CSMD1: variants seen among roughly 807,000 people sequenced by gnomAD.
CSMD1 encodes CUB and Sushi multiple domains 1.
A neutral mutation model predicts 417.5 loss-of-function variants in CSMD1; 213 were observed. That is an observed-to-expected ratio of 0.51 (90% CI 0.46 to 0.57). The LOEUF (loss-of-function observed/expected upper bound fraction) is 0.57, where lower values mean the gene tolerates loss of function less well. Ranked by LOEUF, CSMD1 falls within the 20% of genes least tolerant of loss-of-function variation. CSMD1 has a pLI of 0.00. For missense variants in CSMD1, 6,923 were observed against 4,529.7 expected (o/e 1.53, Z -15.17); for synonymous variants, 2,862 against 1,736.8 (o/e 1.65, Z -16.11).
intron 2 of CSMD1, among the ~76,000 whole-genome samples, chr8:4,457,765 T>C (rs1446145711): frequency 6.6e-6 from 1 of 152,140 alleles, no homozygotes; most frequent in Non-Finnish European, 1.5e-5. Flanking sequence ...AGGACACCTC[T>C]TCACTGGCTG....
chr8:4,289,400 A>T (rs1225966277), intron 3 of CSMD1, among the ~76,000 whole-genome samples: 1 of 28,080 alleles, frequency 3.6e-5, no homozygotes, highest in Non-Finnish European at 1.4e-4. Context: ...GTTAAAGTAG[A>T]GGGAGCCAGG....
intron 20 of CSMD1, among the ~76,000 whole-genome samples, chr8:3,365,734 G>A (rs1809518717): frequency 6.6e-6 from 1 of 152,172 alleles, no homozygotes; most frequent in Non-Finnish European, 1.5e-5. Context: ...AGTTTTTGGG[G>A]CGTCAAGAGT....
intron 33 of CSMD1, among the ~76,000 whole-genome samples, chr8:3,197,585 C>T (rs955020651): frequency 6.6e-6 from 1 of 151,682 alleles, no homozygotes; most frequent in Non-Finnish European, 1.5e-5. Flanking sequence ...CCTGCCTCAG[C>T]CTCCCGAGTA....
intron 2 of CSMD1, among the ~76,000 whole-genome samples, chr8:4,549,896 C>CA (rs777040766): frequency 0.14 from 11,777 of 87,000 alleles, 1,106 homozygotes; most frequent in African/African-American, 0.21. Context: ...GACTTTGTCT[C>CA]AAAAAAAAAA....
At chr8:3,590,969 G>C (rs962394664) in intron 8 of CSMD1, among the ~76,000 whole-genome samples, 2 of 152,128 alleles carry the variant, frequency 1.3e-5, no homozygotes, top group Non-Finnish European at 2.9e-5. Flanking sequence ...ATATAAATCA[G>C]ATATAACATC....
chr8:4,486,242 TATACATAC>T (rs1194170166), intron 2 of CSMD1, among the ~76,000 whole-genome samples: 3 of 45,060 alleles, frequency 6.7e-5, no homozygotes, highest in African/African-American at 3.8e-4. Flanking sequence ...TATATATATA[TATACATAC>T]ATATATATAT....
chr8:3,804,702 A>C (rs1230273264), intron 5 of CSMD1, among the ~76,000 whole-genome samples: 5 of 152,372 alleles, frequency 3.3e-5, no homozygotes, highest in Non-Finnish European at 1.5e-5. Context: ...AGAAAAATGT[A>C]AACACATATA....
At chr8:4,779,704 CA>C (rs1458788885) in intron 1 of CSMD1, among the ~76,000 whole-genome samples, 1 of 152,112 alleles carries the variant, frequency 6.6e-6, no homozygotes, top group Non-Finnish European at 1.5e-5. Flanking sequence ...AAAATCCAGA[CA>C]CGAATGTATA....
chr8:4,053,993 C>A (rs904031328), intron 3 of CSMD1, among the ~76,000 whole-genome samples: 8 of 152,086 alleles, frequency 5.3e-5, no homozygotes, highest in African/African-American at 9.7e-5. Context: ...AGTTAAGAAC[C>A]TGAGATGTAA....
At chr8:3,218,986 T>G (rs952901967) in intron 29 of CSMD1, among the ~76,000 whole-genome samples, 1 of 152,206 alleles carries the variant, frequency 6.6e-6, no homozygotes, top group Non-Finnish European at 1.5e-5. Flanking sequence ...GTCATCAAAT[T>G]CTTTATTTTA....
intron 4 of CSMD1, among the ~76,000 whole-genome samples, chr8:4,021,731 T>C (rs1796798853): frequency 6.6e-6 from 1 of 152,148 alleles, no homozygotes; most frequent in South Asian, 2.1e-4. Flanking sequence ...CAATATCCCT[T>C]TACCTATCCC....
At chr8:3,707,447 T>C (rs1801233068) in intron 7 of CSMD1, among the ~76,000 whole-genome samples, 1 of 152,118 alleles carries the variant, frequency 6.6e-6, no homozygotes, top group African/African-American at 2.4e-5. Flanking sequence ...ATGAAAAGAT[T>C]GCCAGGGAAG....
At chr8:2,955,269 A>G (rs997730260) in intron 64 of CSMD1, among the ~76,000 whole-genome samples, 1 of 152,146 alleles carries the variant, frequency 6.6e-6, no homozygotes, top group Non-Finnish European at 1.5e-5. Flanking sequence ...ACCAAGTATT[A>G]TTTTCCTTTT....
intron 32 of CSMD1, among the ~76,000 whole-genome samples, chr8:3,200,950 G>A (rs1796959176): frequency 6.6e-6 from 1 of 152,164 alleles, no homozygotes; most frequent in Non-Finnish European, 1.5e-5. Context: ...TACAAATAAG[G>A]GGTAGGTCAT....
intron 25 of CSMD1, among the ~76,000 whole-genome samples, chr8:3,300,211 A>T (rs1804281217): frequency 6.6e-6 from 1 of 152,012 alleles, no homozygotes; most frequent in African/African-American, 2.4e-5. Context: ...GTTCAGAATA[A>T]CATGGCGTAA....
chr8:4,740,123 A>C (rs1676936), intron 1 of CSMD1, among the ~76,000 whole-genome samples: 27,556 of 151,846 alleles, frequency 0.18, 3,411 homozygotes, highest in African/African-American at 0.36. Context: ...CTGTATCTCC[A>C]TCATAATTCC....
At chr8:3,587,870 C>A (rs1295359159) in intron 8 of CSMD1, among the ~76,000 whole-genome samples, 1 of 151,886 alleles carries the variant, frequency 6.6e-6, no homozygotes. Context: ...AACTAGAGTT[C>A]TATGGAACTA....
chr8:4,232,618 C>G (rs944358961), intron 3 of CSMD1, among the ~76,000 whole-genome samples: 1 of 152,136 alleles, frequency 6.6e-6, no homozygotes, highest in African/African-American at 2.4e-5. Flanking sequence ...TGTCTTGCTG[C>G]AAATTAGATG....
intron 5 of CSMD1, among the ~76,000 whole-genome samples, chr8:3,985,011 T>C (rs566040997): frequency 6.6e-6 from 1 of 152,116 alleles, no homozygotes; most frequent in Non-Finnish European, 1.5e-5. Flanking sequence ...ATCACGGATC[T>C]CATAAGGTGG....
Sources: gnomAD v4.1 joint callset for allele counts (sites outside exome capture counted in the v4.1 genomes callset) on GRCh38, gnomAD v4.1.1 for gene constraint, MANE v1.5 for transcripts, NCBI Gene and HGNC (gene_info 2026-07-23, HGNC 2026-07-21) for gene names.